PHLPP1: variants seen among roughly 807,000 people sequenced by gnomAD.
The protein encoded by PHLPP1 is PH domain leucine-rich repeat-containing protein phosphatase 1.
In PHLPP1, 42 loss-of-function variants were observed where a neutral mutation model predicts 117.2. The observed-to-expected ratio is 0.36, with a 90% confidence interval of 0.28 to 0.46. The LOEUF is 0.46. Among genes scored for constraint, PHLPP1 ranks in the 20% least tolerant of loss-of-function variants. PHLPP1 has a pLI of 1.00. For missense variants in PHLPP1, 2,084 were observed against 2,241.9 expected (o/e 0.93, Z 1.42); for synonymous variants, 1,042 against 970.7 (o/e 1.07, Z -1.37).
At chr18:62,961,840 T>C (rs528047195) in intron 13 of PHLPP1, among the ~76,000 whole-genome samples, 4 of 152,352 alleles carry the variant, frequency 2.6e-5, no homozygotes, top group African/African-American at 9.6e-5. Context: ...AGTAAATGTT[T>C]GCTAGTAATT....
intron 1 of PHLPP1, among the ~76,000 whole-genome samples, chr18:62,829,124 T>C (rs982419088): frequency 2.6e-5 from 4 of 152,238 alleles, no homozygotes; most frequent in African/African-American, 4.8e-5. Context: ...TCTCTGTCTC[T>C]GTGCTCCTTA....
intron 1 of PHLPP1, among the ~76,000 whole-genome samples, chr18:62,768,886 A>T (rs1568110882): frequency 6.6e-6 from 1 of 152,226 alleles, no homozygotes; most frequent in Non-Finnish European, 1.5e-5. Flanking sequence ...TATCAGAATT[A>T]TAATTTTAGT....
chr18:62,870,863 G>A (rs976757007), intron 4 of PHLPP1, among the ~76,000 whole-genome samples: 1 of 152,218 alleles, frequency 6.6e-6, no homozygotes, highest in Admixed American at 6.5e-5. Flanking sequence ...CTTGGAACTA[G>A]TGCTGTTTGT....
intron 13 of PHLPP1, among the ~76,000 whole-genome samples, chr18:62,962,172 C>T (rs1248497693): frequency 6.6e-6 from 1 of 152,190 alleles, no homozygotes; most frequent in Non-Finnish European, 1.5e-5. Flanking sequence ...CTTATTTCAC[C>T]TTGTGGTAGC....
At chr18:62,730,720 A>G (rs981668429) in intron 1 of PHLPP1, among the ~76,000 whole-genome samples, 1 of 150,158 alleles carries the variant, frequency 6.7e-6, no homozygotes, top group African/African-American at 2.4e-5. Flanking sequence ...TGAAAACGGG[A>G]GGCAGAGGTT....
At chr18:62,861,786 G>T (rs948030259) in intron 4 of PHLPP1, among the ~76,000 whole-genome samples, 5 of 152,188 alleles carry the variant, frequency 3.3e-5, no homozygotes, top group African/African-American at 1.2e-4. Context: ...TCAGGTAATT[G>T]TGAATATCCT....
At chr18:62,878,892 A>C (rs939116268) in intron 4 of PHLPP1, among the ~76,000 whole-genome samples, 1 of 152,156 alleles carries the variant, frequency 6.6e-6, no homozygotes, top group Admixed American at 6.5e-5. Context: ...AAAGTTTTTC[A>C]TAGGCAAATA....
chr18:62,871,583 C>G (rs981999751), intron 4 of PHLPP1, among the ~76,000 whole-genome samples: 1 of 151,866 alleles, frequency 6.6e-6, no homozygotes, highest in East Asian at 1.9e-4. Flanking sequence ...CTGCCTCGGC[C>G]TCCGAAAGTG....
chr18:62,975,087 G>A (rs1911151023), intron 15 of PHLPP1, among the ~76,000 whole-genome samples: 1 of 152,200 alleles, frequency 6.6e-6, no homozygotes. Context: ...CAGTGTGGTT[G>A]ATGAGGGTAG....
chr18:62,770,261 C>T (rs1912715077), intron 1 of PHLPP1, among the ~76,000 whole-genome samples: 1 of 152,158 alleles, frequency 6.6e-6, no homozygotes, highest in Non-Finnish European at 1.5e-5. Flanking sequence ...CAGGCATGCA[C>T]CACCACACCT....
At chr18:62,922,931 G>C (rs970971487) in intron 10 of PHLPP1, among the ~76,000 whole-genome samples, 4 of 152,144 alleles carry the variant, frequency 2.6e-5, no homozygotes, top group African/African-American at 4.8e-5. Flanking sequence ...TTGTAATTCT[G>C]TGCAGGTCAT....
At chr18:62,966,315 G>A (rs1201879071) in intron 14 of PHLPP1, among the ~76,000 whole-genome samples, 1 of 151,896 alleles carries the variant, frequency 6.6e-6, no homozygotes, top group Non-Finnish European at 1.5e-5. Context: ...TCCTTAAAGG[G>A]AGGGATTATA....
intron 1 of PHLPP1, among the ~76,000 whole-genome samples, chr18:62,775,341 C>T (rs1912917472): frequency 6.6e-6 from 1 of 152,176 alleles, no homozygotes; most frequent in African/African-American, 2.4e-5. Flanking sequence ...CTCAGGTGAT[C>T]CACCCGCCTC....
At chr18:62,965,528 C>T (rs545557412) in intron 14 of PHLPP1, among the ~76,000 whole-genome samples, 7 of 137,112 alleles carry the variant, frequency 5.1e-5, no homozygotes, top group Admixed American at 1.6e-4. Context: ...GGCGCAATCT[C>T]GGCTCACTGC....
chr18:62,934,184 A>G (rs146996949), intron 10 of PHLPP1, among the ~76,000 whole-genome samples: 177 of 152,336 alleles, frequency 1.2e-3, no homozygotes, highest in African/African-American at 3.6e-3. Flanking sequence ...CTAAAAATAG[A>G]AATATCATTC....
Position 62,978,211 on chromosome 18 carries a change from G to A in PHLPP1, c.3985-51G>A. The A allele has an allele frequency of 9.1e-7, 1 of 1,096,538 alleles. No individual in the cohort carries two copies. The highest frequency in any genetic ancestry group is 1.3e-6 in the Non-Finnish European group (1 of 747,210). The allele number at this position is 1,096,538 out of a possible 1,614,324, so 67.9% of individuals were successfully genotyped here. On this transcript the variant is annotated intron_variant, in intron 16 of 16. Transcript: ENST00000262719. The surrounding 1 kb of genome is among the most constrained non-coding windows in gnomAD (Gnocchi z 7.0). ...GGACCCGCAGGGAACCTGCACAGTT[G>A]CCGCAGGTGCTCTGTATTAACTGTC...
intron 16 of PHLPP1, among the ~76,000 whole-genome samples, chr18:62,977,428 C>CAA (rs3087160): frequency 7.3e-4 from 54 of 74,230 alleles, no homozygotes; most frequent in Non-Finnish European, 1.1e-3. Context: ...GTACACGTGG[C>CAA]AAAAAAAAAA....
chr18:62,844,649 TGAG>T (rs1324906307), intron 3 of PHLPP1, among the ~76,000 whole-genome samples: 1 of 152,220 alleles, frequency 6.6e-6, no homozygotes, highest in Non-Finnish European at 1.5e-5. Flanking sequence ...CTCTAGAAGA[TGAG>T]GACTCTTCTT....
At chr18:62,814,339 C>G (rs772776169) in intron 1 of PHLPP1, among the ~76,000 whole-genome samples, 1 of 152,212 alleles carries the variant, frequency 6.6e-6, no homozygotes, top group Non-Finnish European at 1.5e-5. Context: ...CTCCTGCCAG[C>G]ACTCCTTGCT....
Sources: allele counts gnomAD v4.1 joint callset (sites outside exome capture counted in the v4.1 genomes callset), GRCh38; gene constraint gnomAD v4.1.1; non-coding constraint Gnocchi (gnomAD v3.1); transcripts MANE v1.5; gene names NCBI Gene and HGNC (gene_info 2026-07-23, HGNC 2026-07-21).